EMCN: variants seen among roughly 807,000 people sequenced by gnomAD.
EMCN encodes MUC-14.
In EMCN, 37 loss-of-function variants were observed where a neutral mutation model predicts 38.4. That is an observed-to-expected ratio of 0.96 (90% CI 0.74 to 1.27). The LOEUF (loss-of-function observed/expected upper bound fraction) is 1.27. EMCN is among the 50% of genes most tolerant of loss of function. EMCN has a pLI of 0.00. For missense variants in EMCN, 318 were observed against 302.8 expected, an observed-to-expected ratio of 1.05 and a Z score of -0.37; for synonymous variants, 95 against 100.8, an observed-to-expected ratio of 0.94 and a Z score of 0.35.
intron 10 of EMCN, among the ~76,000 whole-genome samples, chr4:100,412,213 A>C (rs370903304): frequency 6.6e-6 from 1 of 152,190 alleles, no homozygotes; most frequent in Non-Finnish European, 1.5e-5. Context: ...AGAAATATGC[A>C]TTATTATTGT....
intron 11 of EMCN, among the ~76,000 whole-genome samples, chr4:100,401,383 A>G (rs895233369): frequency 6.6e-6 from 1 of 152,322 alleles, no homozygotes; most frequent in South Asian, 2.1e-4. Context: ...GATAGTTTAA[A>G]GTACTACATG....
intron 2 of EMCN, among the ~76,000 whole-genome samples, chr4:100,477,721 C>A (rs538727268): frequency 1.3e-5 from 2 of 152,106 alleles, no homozygotes; most frequent in South Asian, 4.1e-4. Flanking sequence ...TTGGTAAATA[C>A]TTTCATCGTG....
chr4:100,415,181 G>T (rs1163030111), intron 10 of EMCN, among the ~76,000 whole-genome samples: 1 of 152,248 alleles, frequency 6.6e-6, no homozygotes, highest in Non-Finnish European at 1.5e-5. Context: ...ACAGGCATGA[G>T]CCATAGCTCC....
chr4:100,460,725 C>A (rs2110258545), intron 4 of EMCN, among the ~76,000 whole-genome samples: 1 of 152,234 alleles, frequency 6.6e-6, no homozygotes, highest in African/African-American at 2.4e-5. Flanking sequence ...GGGACACAGC[C>A]AAACCATTAT....
chr4:100,454,770 T>C (rs1357704649), intron 4 of EMCN, among the ~76,000 whole-genome samples: 1 of 152,196 alleles, frequency 6.6e-6, no homozygotes, highest in African/African-American at 2.4e-5. Context: ...TCTTGTACTT[T>C]CTTTAAGAAA....
intron 1 of EMCN, 46 bp from the exon 2 acceptor site, chr4:100,480,085 CAATTA>C: frequency 6.5e-7 from 1 of 1,549,296 alleles, no homozygotes; most frequent in Non-Finnish European, 8.8e-7. Context: ...TATAGTTTGC[CAATTA>C]ATAGACTAGT....
intron 2 of EMCN, among the ~76,000 whole-genome samples, chr4:100,476,519 A>G (rs924969835): frequency 2.0e-5 from 3 of 152,158 alleles, no homozygotes; most frequent in Non-Finnish European, 4.4e-5. Context: ...TTGTGTGATT[A>G]GGGCAAAAAG....
At chr4:100,421,210 G>T (rs1726877062) in intron 8 of EMCN, 72 bp downstream of exon 8, 8 of 1,289,184 alleles carry the variant, frequency 6.2e-6, no homozygotes, top group Admixed American at 3.7e-5. Context: ...CTCCCTTTAA[G>T]AATTTAAAAT....
intron 5 of EMCN, among the ~76,000 whole-genome samples, chr4:100,438,276 G>T (rs1194821161): frequency 2.0e-5 from 3 of 151,980 alleles, no homozygotes; most frequent in Admixed American, 1.3e-4. Context: ...GGTATTGAGT[G>T]CATTTTTGAC....
rs185464717 is a variant in EMCN, at chr4:100,510,599, A to G, written c.64+7252T>C. Among the ~76,000 whole-genome samples the G allele has an allele frequency of 4.3e-4, 66 of 152,300 alleles. 1 individual carries two copies. The East Asian group carries it at 0.011, about 25-fold the overall frequency. On this transcript the variant is annotated intron_variant, in intron 1 of 11. Transcript: ENST00000296420. ...ACGCTATTCTGGGTGCTTTCTGCATATTACCTTGTGTGATTCTTCCAATAT... is the reference window on the plus strand; with the variant it reads ...ACGCTATTCTGGGTGCTTTCTGCATGTTACCTTGTGTGATTCTTCCAATAT...
At chr4:100,428,518 T>G (rs1035879252) in intron 5 of EMCN, among the ~76,000 whole-genome samples, 1 of 152,166 alleles carries the variant, frequency 6.6e-6, no homozygotes, top group Non-Finnish European at 1.5e-5. Flanking sequence ...TAGTTTACTT[T>G]CCCTGCTAGA....
chr4:100,401,796 C>T (rs1018093758), intron 11 of EMCN, among the ~76,000 whole-genome samples: 16 of 152,142 alleles, frequency 1.1e-4, no homozygotes, highest in Admixed American at 1.0e-3. Flanking sequence ...CAGTTCTTCA[C>T]TGGTCTGAAA....
chr4:100,501,855 G>GT (rs201524832), intron 1 of EMCN, among the ~76,000 whole-genome samples: 26,795 of 144,774 alleles, frequency 0.19, 2,719 homozygotes, highest in Middle Eastern at 0.32. Flanking sequence ...ATTCTAGTGG[G>GT]TTTTTTTTTT....
chr4:100,516,138 A>G (rs994756717), intron 1 of EMCN, among the ~76,000 whole-genome samples: 1 of 152,144 alleles, frequency 6.6e-6, no homozygotes, highest in Non-Finnish European at 1.5e-5. Flanking sequence ...TTCATTAGAA[A>G]GAAGAACTGT....
At chr4:100,433,424 T>C (rs2110229275) in intron 5 of EMCN, among the ~76,000 whole-genome samples, 1 of 152,352 alleles carries the variant, frequency 6.6e-6, no homozygotes, top group Admixed American at 6.5e-5. Flanking sequence ...CATATCCTTA[T>C]GTGGTGGTAA....
rs186825974 is a variant in EMCN at position 100,510,104 on chromosome 4, C to T, written c.64+7747G>A. On this transcript the variant is annotated intron_variant, in intron 1 of 11. Coordinates refer to ENST00000296420, the MANE Select transcript of EMCN (RefSeq NM_016242.4). ...TCAAACTTAAGTTTTCACATTAATA[C>T]CGTGTTTCCTTCCACTAACATATTC... is the stretch of plus-strand genomic sequence containing the variant. Among the ~76,000 whole-genome samples the T allele has an allele frequency of 1.8e-3, 271 of 152,214 alleles. 2 individuals carry two copies. Among genetic ancestry groups the T allele is most frequent in the Non-Finnish European group, 3.5e-3 (237 of 67,994 alleles).
chr4:100,449,445 C>T (rs758933424), intron 4 of EMCN, among the ~76,000 whole-genome samples: 4 of 152,074 alleles, frequency 2.6e-5, no homozygotes, highest in Admixed American at 6.6e-5. Flanking sequence ...GCTTTTCCTT[C>T]CACTAAACTG....
At chr4:100,422,008 T>G (rs1035429678) in intron 7 of EMCN, among the ~76,000 whole-genome samples, 3 of 151,920 alleles carry the variant, frequency 2.0e-5, no homozygotes, top group Non-Finnish European at 4.4e-5. Flanking sequence ...TTGCCTGCCT[T>G]CCTTCCTTCC....
intron 1 of EMCN, among the ~76,000 whole-genome samples, chr4:100,493,198 A>C (rs1390725759): frequency 2.0e-5 from 3 of 152,206 alleles, no homozygotes; most frequent in African/African-American, 7.2e-5. Context: ...AAATCTTTTG[A>C]ATGAAAACTT....
Sources: gnomAD v4.1 joint callset for allele counts (sites outside exome capture counted in the v4.1 genomes callset) on GRCh38, gnomAD v4.1.1 for gene constraint, MANE v1.5 for transcripts, NCBI Gene and HGNC (gene_info 2026-07-23, HGNC 2026-07-21) for gene names.